CCDC14: variants seen among roughly 807,000 people sequenced by gnomAD.
The protein encoded by CCDC14 is coiled-coil domain-containing protein 14.
Under a neutral mutation model 81.4 loss-of-function variants are expected in CCDC14, and 71 were observed. The observed-to-expected ratio is 0.87, with a 90% CI of 0.72 to 1.06. The LOEUF is 1.06. Ranked by LOEUF, CCDC14 falls within the 50% of genes least tolerant of loss-of-function variation. The pLI is 0.00. For missense variants in CCDC14, 1,046 were observed against 1,047.3 expected (o/e 1.00, Z 0.02); for synonymous variants, 332 against 364.8 (o/e 0.91, Z 1.03).
chr3:123,910,827 G>A (rs1179958507), downstream of CCDC14, among the ~76,000 whole-genome samples: 1 of 152,066 alleles, frequency 6.6e-6, no homozygotes, highest in African/African-American at 2.4e-5. Flanking sequence ...GATTTAGTTA[G>A]GTCCAACAAT....
chr3:123,937,974 A>G (rs2036149171), intron 9 of CCDC14, among the ~76,000 whole-genome samples: 1 of 151,806 alleles, frequency 6.6e-6, no homozygotes, highest in South Asian at 2.1e-4. Context: ...CTATGTGTGA[A>G]TTTGTTTCTA....
At chr3:123,946,297 C>T (rs190786990) in intron 8 of CCDC14, among the ~76,000 whole-genome samples, 3 of 151,902 alleles carry the variant, frequency 2.0e-5, no homozygotes, top group Non-Finnish European at 2.9e-5. Context: ...GGCTCAGAAA[C>T]ACCTTGATTT....
intron 12 of CCDC14, among the ~76,000 whole-genome samples, chr3:123,918,225 A>T (rs1275090931): frequency 1.3e-5 from 2 of 152,054 alleles, no homozygotes; most frequent in African/African-American, 4.8e-5. Flanking sequence ...CTAAAAACAA[A>T]TTTTTTCCAA....
chr3:123,939,422 C>G (rs1215994210), intron 9 of CCDC14, among the ~76,000 whole-genome samples: 3 of 146,774 alleles, frequency 2.0e-5, no homozygotes, highest in Non-Finnish European at 3.0e-5. Context: ...TCTTCTATGT[C>G]CTATTCATCT....
chr3:123,932,140 T>C (rs1017986230), intron 10 of CCDC14, among the ~76,000 whole-genome samples: 3 of 152,204 alleles, frequency 2.0e-5, no homozygotes, highest in African/African-American at 4.8e-5. Flanking sequence ...AATCTGAATA[T>C]ACAGAGATGA....
At chr3:123,891,928 A>G in the CCDC14 span, among the ~76,000 whole-genome samples, 1 of 152,204 alleles carries the variant, frequency 6.6e-6, no homozygotes, top group Non-Finnish European at 1.5e-5. Context: ...ACAGTTACTC[A>G]TGGCTGGGGA....
chr3:123,938,875 A>T (rs184365509), intron 9 of CCDC14, among the ~76,000 whole-genome samples: 1 of 151,980 alleles, frequency 6.6e-6, no homozygotes, highest in Non-Finnish European at 1.5e-5. Flanking sequence ...ATTCCTAAGT[A>T]ATCTAAAATT....
intron 10 of CCDC14, 64 bp from the exon 11 acceptor site, chr3:123,931,590 AC>A: frequency 2.8e-6 from 2 of 721,854 alleles, no homozygotes; most frequent in Admixed American, 4.8e-5. Flanking sequence ...CTTGGAAAAT[AC>A]CTGTTTCTTA....
the CCDC14 span, among the ~76,000 whole-genome samples, chr3:123,885,570 G>T: frequency 6.6e-6 from 1 of 151,630 alleles, no homozygotes; most frequent in Non-Finnish European, 1.5e-5. Context: ...GTTTTCCAGA[G>T]TCTGGGGGTT....
At chr3:123,898,492 A>G (rs1007398600) in intron 5 of CCDC14, among the ~76,000 whole-genome samples, 1 of 152,076 alleles carries the variant, frequency 6.6e-6, no homozygotes, top group African/African-American at 2.4e-5. Flanking sequence ...CAGGTTGGAG[A>G]GACTGTGAGC....
intron 5 of CCDC14, chr3:123,952,650 G>A (rs555626912): frequency 1.9e-6 from 1 of 525,648 alleles, no homozygotes; most frequent in Non-Finnish European, 3.9e-6. Context: ...TATCATCCCA[G>A]ATAGAAAGTA....
At chr3:123,918,867 T>C (rs1007372040) in intron 12 of CCDC14, among the ~76,000 whole-genome samples, 2 of 152,162 alleles carry the variant, frequency 1.3e-5, no homozygotes, top group South Asian at 2.1e-4. Flanking sequence ...GACCAGTCAA[T>C]AGCACTGCTT....
downstream of CCDC14, among the ~76,000 whole-genome samples, chr3:123,896,740 T>C (rs1035352070): frequency 6.6e-6 from 1 of 152,242 alleles, no homozygotes. Context: ...CTTTAAAATA[T>C]GATTTGTAGA....
Position 123,914,842 on chromosome 3 carries a change from C to A in CCDC14, c.2655G>T (p.Ala885=). Residue 885 remains alanine (A), a synonymous_variant, in exon 13 of 13, where the codon GCG becomes GCT. Coordinates refer to ENST00000409697, the MANE Select transcript of CCDC14 (RefSeq NM_001366335.1). ...GTCTAGCTATGTTGGCATCTAATGCCGCAAGGCCATTTCTGAAGTCTTGTT... is the reference window on the plus strand; with the variant it reads ...GTCTAGCTATGTTGGCATCTAATGCAGCAAGGCCATTTCTGAAGTCTTGTT... The part of the protein sequence containing the change: ...RDEQDFRNGL[A]ALDANIARLQ... The A allele has an allele frequency of 1.2e-6, 2 of 1,604,640 alleles. No homozygotes were observed. The highest frequency in any genetic ancestry group is 1.7e-6 in the Non-Finnish European group (2 of 1,175,242).
chr3:123,938,705 A>C (rs551275757), intron 9 of CCDC14, among the ~76,000 whole-genome samples: 2 of 152,086 alleles, frequency 1.3e-5, no homozygotes, highest in Admixed American at 1.3e-4. Context: ...AGACAAAAAA[A>C]CAAATATCTA....
rs2036841010 is a variant in CCDC14 at position 123,948,962 on chromosome 3, C to T, written c.523G>A (p.Asp175Asn). ...HVQTQMSLMN[D>N]LTSKNIPNGI... ...TTAGGGATGTTCTTTGAAGTCAAGTCATTCATCAGTGACATCTGAGTCTGC... is the reference window on the plus strand; with the variant it reads ...TTAGGGATGTTCTTTGAAGTCAAGTTATTCATCAGTGACATCTGAGTCTGC... Residue 175 changes from aspartate to asparagine, a missense_variant, in exon 6 of 13, where the codon GAC (aspartate) becomes AAC (asparagine). Physicochemically the swap from Asp to Asn is conservative, Grantham distance 23. Coordinates refer to ENST00000409697, the MANE Select transcript of CCDC14 (RefSeq NM_001366335.1). 6.2e-7 allele frequency: 1 copy of T among 1,613,828 alleles called. No individual in the cohort carries two copies. Among genetic ancestry groups the T allele is most frequent in the Admixed American group, 1.7e-5 (1 of 60,000 alleles).
chr3:123,950,191 T>C (rs2036923894), intron 5 of CCDC14, among the ~76,000 whole-genome samples: 1 of 152,160 alleles, frequency 6.6e-6, no homozygotes, highest in Non-Finnish European at 1.5e-5. Flanking sequence ...AGGTTATCAG[T>C]ATACAAAATA....
chr3:123,934,345 GTTGT>G (rs1381408349), intron 9 of CCDC14, among the ~76,000 whole-genome samples: 2 of 140,110 alleles, frequency 1.4e-5, no homozygotes, highest in Non-Finnish European at 3.1e-5. Context: ...TCAGTGATTT[GTTGT>G]TTTTTTTCTA....
At chr3:123,903,458 T>A (rs566343562) in intron 5 of CCDC14, among the ~76,000 whole-genome samples, 1 of 152,256 alleles carries the variant, frequency 6.6e-6, no homozygotes, top group South Asian at 2.1e-4. Context: ...TTTGGCAAGA[T>A]CTGTTTTTCA....
Sources: gnomAD v4.1 joint callset for allele counts (sites outside exome capture counted in the v4.1 genomes callset) on GRCh38, gnomAD v4.1.1 for gene constraint, MANE v1.5 for transcripts, NCBI Gene and HGNC (gene_info 2026-07-23, HGNC 2026-07-21) for gene names.